Variants in DSCAM observed in about 807,000 individuals in gnomAD.
DSCAM encodes the protein cell adhesion molecule DSCAM.
DSCAM carries 47 observed loss-of-function variants against 217.7 expected under a neutral mutation model. The observed-to-expected ratio is 0.22, with a 90% CI of 0.17 to 0.28. DSCAM has a LOEUF of 0.28. DSCAM is among the 10% of genes least tolerant of loss of function. The pLI is 1.00. For missense variants in DSCAM, 2,080 were observed against 2,618.3 expected (o/e 0.79, Z 4.49); for synonymous variants, 1,056 against 1,015.3 (o/e 1.04, Z -0.76).
intron 3 of DSCAM, among the ~76,000 whole-genome samples, chr21:40,539,950 A>G (rs1223980642): frequency 1.3e-5 from 2 of 152,206 alleles, no homozygotes; most frequent in African/African-American, 2.4e-5. Flanking sequence ...CTATGGAAAA[A>G]TATGGCCAAA....
chr21:40,139,777 A>G (rs959877940), intron 18 of DSCAM, among the ~76,000 whole-genome samples: 17 of 146,804 alleles, frequency 1.2e-4, no homozygotes, highest in African/African-American at 4.1e-4. Context: ...TATATGAGGG[A>G]TGTGTGTGTG....
chr21:40,476,117 GCTTCA>G (rs1319384287), intron 3 of DSCAM, among the ~76,000 whole-genome samples: 2 of 152,174 alleles, frequency 1.3e-5, no homozygotes, highest in Non-Finnish European at 1.5e-5. Context: ...CCATTTGGGT[GCTTCA>G]CTCCCATGCT....
chr21:40,350,021 T>C (rs927121292), intron 5 of DSCAM, among the ~76,000 whole-genome samples: 10 of 152,182 alleles, frequency 6.6e-5, no homozygotes, highest in African/African-American at 2.2e-4. Flanking sequence ...GATTTGCTTT[T>C]TAATCCATTC....
At chr21:40,112,989 A>C (rs563491961) in intron 20 of DSCAM, among the ~76,000 whole-genome samples, 1 of 152,212 alleles carries the variant, frequency 6.6e-6, no homozygotes, top group Non-Finnish European at 1.5e-5. Context: ...CCAGAGGTAC[A>C]AGGAGGAGCT....
intron 13 of DSCAM, among the ~76,000 whole-genome samples, chr21:40,187,473 T>C (rs906226644): frequency 1.1e-4 from 17 of 152,350 alleles, no homozygotes; most frequent in African/African-American, 4.1e-4. Context: ...CCTTAAGAAC[T>C]GGACCAAGCC....
intron 9 of DSCAM, among the ~76,000 whole-genome samples, chr21:40,306,447 C>T (rs1156520363): frequency 3.4e-5 from 5 of 147,844 alleles, no homozygotes; most frequent in African/African-American, 7.7e-5. Flanking sequence ...CTTCTCCTGC[C>T]TAATTGCCCT....
chr21:40,320,367 C>T (rs1459101494), intron 8 of DSCAM, among the ~76,000 whole-genome samples: 1 of 151,942 alleles, frequency 6.6e-6, no homozygotes, highest in Non-Finnish European at 1.5e-5. Flanking sequence ...CTTTATTTTA[C>T]ACAATAAAGA....
chr21:40,370,227 A>G (rs2074880765), intron 3 of DSCAM, among the ~76,000 whole-genome samples: 1 of 151,866 alleles, frequency 6.6e-6, no homozygotes, highest in Non-Finnish European at 1.5e-5. Context: ...AATTTCCCTA[A>G]GATAATAAAA....
chr21:40,633,618 C>T (rs531513416), intron 3 of DSCAM, among the ~76,000 whole-genome samples: 22 of 152,244 alleles, frequency 1.4e-4, no homozygotes, highest in African/African-American at 4.6e-4. Flanking sequence ...GTGCACATGG[C>T]GATTTTTCTA....
chr21:40,633,765 C>G (rs1310585013), intron 3 of DSCAM, among the ~76,000 whole-genome samples: 4 of 152,110 alleles, frequency 2.6e-5, no homozygotes, highest in Non-Finnish European at 5.9e-5. Flanking sequence ...AACGCAAATG[C>G]CTGGAGTGAA....
At chr21:40,686,769 C>T (rs910618042) in intron 3 of DSCAM, among the ~76,000 whole-genome samples, 6 of 152,200 alleles carry the variant, frequency 3.9e-5, no homozygotes, top group Non-Finnish European at 5.9e-5. Context: ...CTGTGCCCCT[C>T]GCCTTACACG....
rs540352073 is a variant in DSCAM at position 40,555,624 on chromosome 21, C to G, written c.508+137186G>C. 2.6e-4 allele frequency among the ~76,000 whole-genome samples: 39 copies of G among 152,164 alleles called. 1 individual carries two copies. Among genetic ancestry groups the G allele is most frequent in the African/African-American group, 8.2e-4 (34 of 41,532 alleles). On this transcript the variant is annotated intron_variant, in intron 3 of 32. Transcript: ENST00000400454. ...AACATTTTGTCAAATTTCAAACCAA[C>G]GTTTTTTGTTGTTGTTTGTTTTTTA...
At chr21:40,467,930 CAAAA>C (rs56379350) in intron 3 of DSCAM, among the ~76,000 whole-genome samples, 3 of 84,424 alleles carry the variant, frequency 3.6e-5, no homozygotes, top group African/African-American at 1.4e-4. Context: ...AAAGATTAAC[CAAAA>C]AAAAAAAAAA....
chr21:40,084,865 A>G (rs147007710), intron 23 of DSCAM, among the ~76,000 whole-genome samples: 1 of 152,254 alleles, frequency 6.6e-6, no homozygotes, highest in African/African-American at 2.4e-5. Context: ...CAGCATTTTT[A>G]GAAATATAGT....
At chr21:40,347,612 C>T in intron 6 of DSCAM, 58 bp downstream of exon 6, 2 of 1,603,780 alleles carry the variant, frequency 1.2e-6, no homozygotes, top group Non-Finnish European at 1.7e-6. Context: ...TTCTTCTTTT[C>T]TGAGTGCTCT....
At chr21:40,523,902 C>G (rs2076379632) in intron 3 of DSCAM, among the ~76,000 whole-genome samples, 1 of 152,134 alleles carries the variant, frequency 6.6e-6, no homozygotes, top group Non-Finnish European at 1.5e-5. Flanking sequence ...TCTGTATGCC[C>G]TCTCCTGAAA....
At chr21:40,289,123 G>A (rs1203182941) in intron 10 of DSCAM, among the ~76,000 whole-genome samples, 1 of 152,216 alleles carries the variant, frequency 6.6e-6, no homozygotes, top group Non-Finnish European at 1.5e-5. Flanking sequence ...AAATGGGAGA[G>A]AGAAGCCTAG....
At chr21:40,301,022 C>A (rs1172661171) in intron 9 of DSCAM, among the ~76,000 whole-genome samples, 1 of 152,174 alleles carries the variant, frequency 6.6e-6, no homozygotes, top group East Asian at 1.9e-4. Context: ...TTTCTAATCT[C>A]ATTCTTTCCA....
chr21:40,655,464 A>G (rs2090064419), intron 3 of DSCAM, among the ~76,000 whole-genome samples: 1 of 99,012 alleles, frequency 1.0e-5, no homozygotes, highest in African/African-American at 4.3e-5. Flanking sequence ...TTTTTTTGAG[A>G]CAGGGTCTCA....
Sources: gnomAD v4.1 joint callset for allele counts (sites outside exome capture counted in the v4.1 genomes callset) on GRCh38, gnomAD v4.1.1 for gene constraint, MANE v1.5 for transcripts, NCBI Gene and HGNC (gene_info 2026-07-23, HGNC 2026-07-21) for gene names.